The following LRRC4C variants were observed in gnomAD, a reference collection of about 807,000 sequenced individuals.
The protein encoded by LRRC4C is leucine-rich repeat-containing protein 4C.
In LRRC4C, 5 loss-of-function variants were observed where a neutral mutation model predicts 33.6. The observed-to-expected ratio is 0.15, with a 90% confidence interval of 0.08 to 0.31. The LOEUF is 0.31. Among genes scored for constraint, LRRC4C ranks in the 10% least tolerant of loss-of-function variants. The pLI, the probability that LRRC4C is intolerant of heterozygous loss-of-function variation, is 1.00. For missense variants in LRRC4C, 560 were observed against 796.7 expected (o/e 0.70, Z 3.58); for synonymous variants, 329 against 302.0 (o/e 1.09, Z -0.93).
At chr11:40,179,074 G>C (rs774467536) in intron 5 of LRRC4C, among the ~76,000 whole-genome samples, 1 of 151,122 alleles carries the variant, frequency 6.6e-6, no homozygotes, top group Non-Finnish European at 1.5e-5. Flanking sequence ...GGGCAATCTC[G>C]GTTCACTGCA....
chr11:40,634,859 C>T (rs2136047086), intron 3 of LRRC4C, among the ~76,000 whole-genome samples: 1 of 152,056 alleles, frequency 6.6e-6, no homozygotes, highest in South Asian at 2.1e-4. Flanking sequence ...CATTGTTCTC[C>T]TGACTGGGCA....
chr11:41,078,714 G>A (rs1939340775), intron 1 of LRRC4C, among the ~76,000 whole-genome samples: 1 of 152,154 alleles, frequency 6.6e-6, no homozygotes, highest in Non-Finnish European at 1.5e-5. Context: ...TACAATTTGA[G>A]ATGAGATTTG....
At chr11:41,257,766 T>C (rs1948847701) in intron 1 of LRRC4C, among the ~76,000 whole-genome samples, 1 of 152,070 alleles carries the variant, frequency 6.6e-6, no homozygotes, top group South Asian at 2.1e-4. Context: ...TTCTCATCCA[T>C]GGCTCTACTT....
intron 1 of LRRC4C, among the ~76,000 whole-genome samples, chr11:41,005,193 T>A (rs545618274): frequency 2.0e-5 from 3 of 152,314 alleles, no homozygotes; most frequent in African/African-American, 7.2e-5. Flanking sequence ...TGTTGAAATG[T>A]AATCCCCAGT....
At chr11:40,742,019 C>A (rs1410567976) in intron 2 of LRRC4C, among the ~76,000 whole-genome samples, 1 of 151,950 alleles carries the variant, frequency 6.6e-6, no homozygotes, top group Non-Finnish European at 1.5e-5. Context: ...TCTAACAATA[C>A]TTTTCAGAAA....
chr11:40,973,632 G>T (rs1297961933), intron 1 of LRRC4C, among the ~76,000 whole-genome samples: 1 of 152,084 alleles, frequency 6.6e-6, no homozygotes. Flanking sequence ...AGAAGTCCTG[G>T]TTTATTATTA....
At chr11:40,956,778 T>C (rs970309127) in intron 1 of LRRC4C, among the ~76,000 whole-genome samples, 1 of 151,740 alleles carries the variant, frequency 6.6e-6, no homozygotes, top group Non-Finnish European at 1.5e-5. Flanking sequence ...ATATAAACAC[T>C]CTTTAGCCCC....
At chr11:40,778,162 T>C (rs1381194921) in intron 2 of LRRC4C, among the ~76,000 whole-genome samples, 1 of 152,228 alleles carries the variant, frequency 6.6e-6, no homozygotes, top group Non-Finnish European at 1.5e-5. Flanking sequence ...CTGTTGACTA[T>C]GTACTCAAAT....
At chr11:40,194,415 T>C (rs1334861295) in intron 5 of LRRC4C, among the ~76,000 whole-genome samples, 1 of 152,174 alleles carries the variant, frequency 6.6e-6, no homozygotes, top group Non-Finnish European at 1.5e-5. Flanking sequence ...GGAATTTTAT[T>C]ACCACCAGGC....
intron 2 of LRRC4C, among the ~76,000 whole-genome samples, chr11:40,840,563 A>T (rs531841544): frequency 6.6e-6 from 1 of 152,192 alleles, no homozygotes; most frequent in African/African-American, 2.4e-5. Flanking sequence ...AAAATAGTAA[A>T]CATCATCAGA....
At chr11:40,457,564 T>C (rs1019097659) in intron 3 of LRRC4C, among the ~76,000 whole-genome samples, 3 of 152,138 alleles carry the variant, frequency 2.0e-5, no homozygotes, top group African/African-American at 7.2e-5. Context: ...TTCCCATGTT[T>C]ATTCTCCTAG....
chr11:40,762,935 A>C (rs1949288136), intron 2 of LRRC4C, among the ~76,000 whole-genome samples: 1 of 151,834 alleles, frequency 6.6e-6, no homozygotes, highest in African/African-American at 2.4e-5. Flanking sequence ...ATTTCAGGTA[A>C]GCATTATTCA....
intron 2 of LRRC4C, among the ~76,000 whole-genome samples, chr11:40,822,898 C>T (rs1364421812): frequency 6.6e-6 from 1 of 151,532 alleles, no homozygotes; most frequent in African/African-American, 2.4e-5. Flanking sequence ...ATAGATCTAT[C>T]CAGTTTTCCC....
chr11:40,401,052 T>C (rs1949739230), intron 3 of LRRC4C, among the ~76,000 whole-genome samples: 1 of 152,154 alleles, frequency 6.6e-6, no homozygotes, highest in Non-Finnish European at 1.5e-5. Context: ...TTGATTGCTG[T>C]TTGCAAGGCA....
At chr11:41,244,261 A>G (rs765178061) in intron 1 of LRRC4C, among the ~76,000 whole-genome samples, 2 of 152,102 alleles carry the variant, frequency 1.3e-5, no homozygotes, top group Non-Finnish European at 2.9e-5. Flanking sequence ...AAAGAAAGGG[A>G]AAAAAATGCT....
At chr11:40,687,070 C>T (rs1944997481) in intron 2 of LRRC4C, among the ~76,000 whole-genome samples, 1 of 152,096 alleles carries the variant, frequency 6.6e-6, no homozygotes, top group Non-Finnish European at 1.5e-5. Context: ...CACTCTCAGG[C>T]TTGGATGCTA....
intron 1 of LRRC4C, among the ~76,000 whole-genome samples, chr11:41,420,483 T>G (rs576632391): frequency 1.3e-4 from 20 of 152,086 alleles, no homozygotes; most frequent in Non-Finnish European, 2.6e-4. Context: ...TTAAAATGGC[T>G]TTTAATGAAT....
chr11:40,702,788 AC>A (rs1481020310), intron 2 of LRRC4C, among the ~76,000 whole-genome samples: 2 of 152,030 alleles, frequency 1.3e-5, no homozygotes, highest in African/African-American at 4.8e-5. Context: ...GTAACTGCCT[AC>A]TGAGCATTTC....
At chr11:40,829,699 A>G (rs569713093) in intron 2 of LRRC4C, among the ~76,000 whole-genome samples, 1 of 152,152 alleles carries the variant, frequency 6.6e-6, no homozygotes, top group South Asian at 2.1e-4. Flanking sequence ...TACTACTGTT[A>G]TTCATTCATC....
Sources: allele counts gnomAD v4.1 joint callset (sites outside exome capture counted in the v4.1 genomes callset), GRCh38; gene constraint gnomAD v4.1.1; transcripts MANE v1.5; gene names NCBI Gene and HGNC (gene_info 2026-07-23, HGNC 2026-07-21).